C12orf42: variants seen among roughly 807,000 people sequenced by gnomAD.
C12orf42 encodes chromosome 12 open reading frame 42.
C12orf42 carries 25 observed loss-of-function variants against 21.6 expected under a neutral mutation model. The observed-to-expected ratio is 1.16, with a 90% confidence interval of 0.84 to 1.62. The LOEUF (loss-of-function observed/expected upper bound fraction) is 1.62, where lower values mean the gene tolerates loss of function less well. Ranked by LOEUF, C12orf42 falls within the 40% of genes most tolerant of loss-of-function variation. C12orf42 has a pLI of 0.00. For missense variants in C12orf42, 483 were observed against 459.3 expected, an observed-to-expected ratio of 1.05 and a Z score of -0.47; for synonymous variants, 174 against 175.0, an observed-to-expected ratio of 0.99 and a Z score of 0.05.
At position 103,362,633 on chromosome 12, in the gene C12orf42, AATAG is replaced by A. The variant is rs147857570; in HGVS notation, c.259+6250_259+6253del. 3.3e-3 allele frequency among the ~76,000 whole-genome samples: 498 copies of A among 152,218 alleles called. 3 individuals carry two copies. Among genetic ancestry groups the A allele is most frequent in the African/African-American group, 0.011 (472 of 41,552 alleles). On this transcript the variant is annotated intron_variant, in intron 4 of 5. Coordinates refer to ENST00000548883, the MANE Select transcript of C12orf42 (RefSeq NM_198521.5). ...AAATGAAGGGAGAAATCCTCAGTGA[AATAG>A]ATAGCATAAGAAAAAAATCACAACT...
the C12orf42 span, among the ~76,000 whole-genome samples, chr12:103,501,467 A>T: frequency 1.3e-5 from 2 of 152,208 alleles, no homozygotes; most frequent in South Asian, 4.1e-4. Context: ...TAAAGCTCTC[A>T]TGATGTTAGT....
At chr12:103,090,260 G>A in the C12orf42 span, among the ~76,000 whole-genome samples, 1 of 152,084 alleles carries the variant, frequency 6.6e-6, no homozygotes, top group Non-Finnish European at 1.5e-5. Context: ...CGTTTCTGGC[G>A]ACACAGGGGA....
chr12:103,561,057 T>C, the C12orf42 span, among the ~76,000 whole-genome samples: 1 of 152,130 alleles, frequency 6.6e-6, no homozygotes, highest in Non-Finnish European at 1.5e-5. Context: ...TCAGGCCCTA[T>C]CCCAGCATAT....
At chr12:103,176,703 G>C in the C12orf42 span, among the ~76,000 whole-genome samples, 3 of 152,178 alleles carry the variant, frequency 2.0e-5, no homozygotes, top group African/African-American at 7.2e-5. Context: ...TTTGAAGGTA[G>C]GCTGTCTGGC....
intron 4 of C12orf42, among the ~76,000 whole-genome samples, chr12:103,325,665 T>C (rs2040606726): frequency 6.6e-6 from 1 of 152,226 alleles, no homozygotes; most frequent in African/African-American, 2.4e-5. Context: ...TCTCTCAGCA[T>C]GGTTGTCTTG....
intron 2 of C12orf42, among the ~76,000 whole-genome samples, chr12:103,430,986 A>G (rs1950221580): frequency 6.6e-6 from 1 of 152,184 alleles, no homozygotes; most frequent in South Asian, 2.1e-4. Context: ...TAGGGAAGGG[A>G]TAGCATTAGG....
At chr12:103,451,252 G>T (rs1163426067) in intron 2 of C12orf42, among the ~76,000 whole-genome samples, 2 of 151,316 alleles carry the variant, frequency 1.3e-5, no homozygotes, top group African/African-American at 4.9e-5. Context: ...TTTGAGACAG[G>T]GTCTCACTCT....
At chr12:103,063,757 A>G in the C12orf42 span, among the ~76,000 whole-genome samples, 32 of 152,284 alleles carry the variant, frequency 2.1e-4, no homozygotes, top group Admixed American at 2.0e-4. Flanking sequence ...AGTGTGACCC[A>G]TGAGGAGATA....
At chr12:103,296,562 T>C (rs1182082570) in intron 4 of C12orf42, among the ~76,000 whole-genome samples, 2 of 152,198 alleles carry the variant, frequency 1.3e-5, no homozygotes, top group Non-Finnish European at 2.9e-5. Flanking sequence ...TTCTAACTGG[T>C]GTGAGATGGT....
At chr12:103,222,217 C>A in the C12orf42 span, among the ~76,000 whole-genome samples, 1 of 151,668 alleles carries the variant, frequency 6.6e-6, no homozygotes, top group South Asian at 2.1e-4. Context: ...AAAAGAGAGT[C>A]AGCGAAGGGA....
downstream of C12orf42, among the ~76,000 whole-genome samples, chr12:103,235,704 A>G (rs2033446080): frequency 6.6e-6 from 1 of 152,266 alleles, no homozygotes; most frequent in South Asian, 2.1e-4. Context: ...GCATCAAAAG[A>G]GTTCATATAT....
At chr12:103,365,924 G>A (rs1293850618) in intron 4 of C12orf42, among the ~76,000 whole-genome samples, 4 of 151,772 alleles carry the variant, frequency 2.6e-5, no homozygotes, top group Non-Finnish European at 5.9e-5. Flanking sequence ...CAAATTCAAT[G>A]CAATTCCCAT....
chr12:103,369,575 G>C (rs2045002211), intron 3 of C12orf42, among the ~76,000 whole-genome samples: 1 of 151,584 alleles, frequency 6.6e-6, no homozygotes, highest in Non-Finnish European at 1.5e-5. Context: ...AGAGGCAGGG[G>C]ATAGGGAAGG....
chr12:103,480,457 GTTTGTTTTAAATTATT>G (rs1356875240), intron 1 of C12orf42, among the ~76,000 whole-genome samples: 1 of 150,860 alleles, frequency 6.6e-6, no homozygotes, highest in Non-Finnish European at 1.5e-5. Flanking sequence ...TGTGGGGGGT[GTTTGTTTTAAATTATT>G]TATTCTCTTT....
At chr12:103,295,238 C>A (rs1233668155) in intron 4 of C12orf42, among the ~76,000 whole-genome samples, 2 of 152,130 alleles carry the variant, frequency 1.3e-5, no homozygotes, top group Non-Finnish European at 2.9e-5. Flanking sequence ...TTTGTAGTTA[C>A]AAAAACATTA....
chr12:103,442,694 A>C (rs1368344963), intron 2 of C12orf42, among the ~76,000 whole-genome samples: 2 of 152,136 alleles, frequency 1.3e-5, no homozygotes, highest in African/African-American at 4.8e-5. Context: ...TAAAACTCTT[A>C]AATTAACAAA....
At chr12:103,470,069 C>T (rs1212236464) in intron 2 of C12orf42, among the ~76,000 whole-genome samples, 9 of 152,190 alleles carry the variant, frequency 5.9e-5, no homozygotes. Flanking sequence ...GTGATGAACT[C>T]AGGACTAAAA....
chr12:103,254,362 A>G (rs2034451263), intron 10 of C12orf42, among the ~76,000 whole-genome samples: 1 of 152,190 alleles, frequency 6.6e-6, no homozygotes, highest in Non-Finnish European at 1.5e-5. Flanking sequence ...CATCAGGGAT[A>G]TTGGCCTGAA....
chr12:103,121,618 C>A, the C12orf42 span, among the ~76,000 whole-genome samples: 8 of 152,236 alleles, frequency 5.3e-5, no homozygotes, highest in African/African-American at 7.2e-5. Context: ...AGTGACCACG[C>A]TATCATCATC....
Sources: gnomAD v4.1 joint callset for allele counts (sites outside exome capture counted in the v4.1 genomes callset) on GRCh38, gnomAD v4.1.1 for gene constraint, MANE v1.5 for transcripts, NCBI Gene and HGNC (gene_info 2026-07-23, HGNC 2026-07-21) for gene names.